The following WWOX variants were observed in gnomAD, a reference collection of about 807,000 sequenced individuals.
WWOX encodes WW domain containing oxidoreductase, also known as WW domain-containing oxidoreductase.
In WWOX, 69 loss-of-function variants were observed where a neutral mutation model predicts 46.2. The ratio of observed to expected loss-of-function variants is 1.49; its 90% CI spans 1.23 to 1.82. The LOEUF is 1.82. WWOX is among the 40% of genes most tolerant of loss of function. WWOX has a pLI of 0.00. For synonymous variants in WWOX, 359 were observed against 202.6 expected, an observed-to-expected ratio of 1.77 and a Z score of -6.56; for missense variants, 919 against 542.6, an observed-to-expected ratio of 1.69 and a Z score of -6.89.
intron 5 of WWOX, among the ~76,000 whole-genome samples, chr16:78,202,266 T>G (rs764141572): frequency 2.6e-5 from 4 of 152,206 alleles, no homozygotes; most frequent in Non-Finnish European, 4.4e-5. Flanking sequence ...TTGGTCCTGG[T>G]GCAACATGCC....
intron 8 of WWOX, among the ~76,000 whole-genome samples, chr16:79,115,478 C>T (rs959468756): frequency 6.6e-6 from 1 of 152,076 alleles, no homozygotes; most frequent in African/African-American, 2.4e-5. Flanking sequence ...AAGCCAGCCA[C>T]ACATTTGTCT....
intron 8 of WWOX, among the ~76,000 whole-genome samples, chr16:79,072,712 A>G (rs778304323): frequency 3.9e-5 from 6 of 152,246 alleles, no homozygotes; most frequent in Non-Finnish European, 7.3e-5. Flanking sequence ...CATCAGGGCC[A>G]CAACAGCCTC....
At chr16:78,511,064 A>C (rs775924660) in intron 8 of WWOX, among the ~76,000 whole-genome samples, 3 of 152,214 alleles carry the variant, frequency 2.0e-5, no homozygotes, top group Non-Finnish European at 4.4e-5. Context: ...CTGCGTGTTT[A>C]TAGTCCCAGG....
At chr16:79,035,378 C>G (rs762663658) in intron 8 of WWOX, among the ~76,000 whole-genome samples, 15 of 152,124 alleles carry the variant, frequency 9.9e-5, no homozygotes, top group Admixed American at 1.3e-4. Flanking sequence ...AAGGCCAACC[C>G]CATTAGACAG....
At chr16:78,596,222 G>C (rs1448313908) in intron 8 of WWOX, among the ~76,000 whole-genome samples, 1 of 152,118 alleles carries the variant, frequency 6.6e-6, no homozygotes, top group African/African-American at 2.4e-5. Flanking sequence ...ACCCTGTATG[G>C]TTGGATACTT....
At chr16:79,114,182 G>C (rs963490514) in intron 8 of WWOX, among the ~76,000 whole-genome samples, 7 of 152,058 alleles carry the variant, frequency 4.6e-5, no homozygotes, top group African/African-American at 1.7e-4. Context: ...ATTATGGGTT[G>C]AATTGCATCC....
intron 5 of WWOX, among the ~76,000 whole-genome samples, chr16:78,202,524 G>A (rs977590428): frequency 1.3e-5 from 2 of 151,950 alleles, no homozygotes; most frequent in African/African-American, 4.8e-5. Context: ...CACATTCATT[G>A]ACTTGGTTGT....
intron 8 of WWOX, among the ~76,000 whole-genome samples, chr16:78,446,188 T>G (rs2083557111): frequency 6.6e-6 from 1 of 152,210 alleles, no homozygotes; most frequent in Non-Finnish European, 1.5e-5. Context: ...TGTACAATGG[T>G]GAAGAAATAC....
chr16:78,789,534 T>G (rs2737305), intron 8 of WWOX, among the ~76,000 whole-genome samples: 3 of 151,882 alleles, frequency 2.0e-5, no homozygotes, highest in Non-Finnish European at 4.4e-5. Context: ...CATTGCCACA[T>G]TGTTTTGGTT....
intron 5 of WWOX, among the ~76,000 whole-genome samples, chr16:78,312,863 G>T (rs183624324): frequency 2.3e-3 from 357 of 152,282 alleles, no homozygotes; most frequent in Non-Finnish European, 2.8e-3. Flanking sequence ...CCTCCGAGGT[G>T]GTAGCACGCA....
chr16:78,735,376 T>A (rs8046045), intron 8 of WWOX, among the ~76,000 whole-genome samples: 26,979 of 143,850 alleles, frequency 0.19, 2,672 homozygotes, highest in African/African-American at 0.29. Flanking sequence ...ATAAGAGATG[T>A]CATACACACC....
intron 8 of WWOX, among the ~76,000 whole-genome samples, chr16:78,529,956 T>A (rs1000519673): frequency 1.3e-5 from 2 of 152,168 alleles, no homozygotes; most frequent in Non-Finnish European, 2.9e-5. Context: ...AGCAGGAAAT[T>A]TCCCTGACCC....
intron 8 of WWOX, among the ~76,000 whole-genome samples, chr16:78,911,401 T>C (rs2045107466): frequency 6.6e-6 from 1 of 152,166 alleles, no homozygotes; most frequent in Middle Eastern, 3.4e-3. Context: ...TTCTTTTTCT[T>C]GATGGCCTGG....
At chr16:78,602,470 G>C (rs140183577) in intron 8 of WWOX, among the ~76,000 whole-genome samples, 1 of 152,094 alleles carries the variant, frequency 6.6e-6, no homozygotes, top group Middle Eastern at 3.2e-3. Flanking sequence ...CTGCCCTTGT[G>C]ATCCACCCAC....
chr16:78,842,191 A>T (rs958713339), intron 8 of WWOX, among the ~76,000 whole-genome samples: 3 of 152,076 alleles, frequency 2.0e-5, no homozygotes, highest in Non-Finnish European at 4.4e-5. Context: ...CTTGAAGAGG[A>T]GGAAGTCAAA....
chr16:78,596,053 G>T (rs1008618902), intron 8 of WWOX, among the ~76,000 whole-genome samples: 1 of 152,044 alleles, frequency 6.6e-6, no homozygotes, highest in Non-Finnish European at 1.5e-5. Flanking sequence ...ACTCTTTGTT[G>T]TTTCTGCTCA....
At chr16:78,318,364 A>G (rs2080396648) in intron 5 of WWOX, among the ~76,000 whole-genome samples, 1 of 149,866 alleles carries the variant, frequency 6.7e-6, no homozygotes, top group African/African-American at 2.5e-5. Context: ...GAGAAAATGT[A>G]TAAAGGAGAG....
chr16:79,139,901 A>G (rs1415644839), intron 8 of WWOX, among the ~76,000 whole-genome samples: 1 of 152,222 alleles, frequency 6.6e-6, no homozygotes, highest in East Asian at 1.9e-4. Context: ...CCCATAAACT[A>G]TTTGAAAGAA....
intron 8 of WWOX, among the ~76,000 whole-genome samples, chr16:78,826,282 G>C (rs2051654706): frequency 6.6e-6 from 1 of 152,168 alleles, no homozygotes; most frequent in African/African-American, 2.4e-5. Flanking sequence ...GGAGGTGGAG[G>C]TTGCAGTGAG....
Sources: gnomAD v4.1 joint callset for allele counts (sites outside exome capture counted in the v4.1 genomes callset) on GRCh38, gnomAD v4.1.1 for gene constraint, MANE v1.5 for transcripts, NCBI Gene and HGNC (gene_info 2026-07-23, HGNC 2026-07-21) for gene names.